Variants in DAAM2 observed in about 807,000 individuals in gnomAD.
The protein encoded by DAAM2 is dishevelled associated activator of morphogenesis 2.
A neutral mutation model predicts 120.7 loss-of-function variants in DAAM2; 39 were observed. That is an observed-to-expected ratio of 0.32 (90% CI 0.25 to 0.42). The LOEUF (loss-of-function observed/expected upper bound fraction) is 0.42, where lower values mean the gene tolerates loss of function less well. Ranked by LOEUF, DAAM2 falls within the 10% of genes least tolerant of loss-of-function variation. The probability of loss-of-function intolerance (pLI) is 1.00; values close to 1 mark genes in which losing one functional copy is unlikely to be tolerated. For synonymous variants in DAAM2, 488 were observed against 524.9 expected (o/e 0.93, Z 0.96); for missense variants, 1,283 against 1,401.7 (o/e 0.92, Z 1.35).
chr6:39,861,499 G>A (rs115400908), intron 3 of DAAM2: 2,704 of 267,726 alleles, frequency 0.01, 63 homozygotes, highest in African/African-American at 0.052. Flanking sequence ...ATTAAAAGAT[G>A]CTGTTAGCCT....
At position 39,868,900 on chromosome 6, in the gene DAAM2, C is replaced by T. The variant is rs1477192606; in HGVS notation, c.840C>T (p.Phe280=). Residue 280 remains phenylalanine, a synonymous_variant, in exon 7 of 25, where the codon TTC becomes TTT. Transcript: ENST00000274867. ...ATCTGAAAACAGCCATCATGTCCTT[C>T]ATCAATGCTGTCCTCAATGCTGGAG... ...EVNLKTAIMS[F]INAVLNAGAG... The T allele has an allele frequency of 2.5e-6, 4 of 1,585,312 alleles. No individual in the cohort carries two copies. Among genetic ancestry groups the T allele is most frequent in the South Asian group, 2.3e-5 (2 of 86,200 alleles).
intron 3 of DAAM2, chr6:39,862,900 C>A (rs1764274718): frequency 6.7e-6 from 1 of 149,202 alleles, no homozygotes; most frequent in Admixed American, 6.7e-5. Context: ...TCCCCACACA[C>A]TTTCACAACC....
chr6:39,898,456 TGATA>T (rs1349117317), intron 21 of DAAM2, among the ~76,000 whole-genome samples: 3 of 152,178 alleles, frequency 2.0e-5, no homozygotes, highest in African/African-American at 7.2e-5. Flanking sequence ...ACATCTAGGC[TGATA>T]GATGTCATCT....
chr6:39,894,935 T>G lies in DAAM2; in HGVS notation c.2342-1877T>G, dbSNP rs2149366936. Among the ~76,000 whole-genome samples, 3 of 152,260 alleles carry G rather than the reference T, an allele frequency of 2.0e-5. No homozygotes were observed. In the East Asian group the frequency reaches 5.8e-4, roughly 29 times the overall value. ...TGCCTGGCCTGTTTTGAACTTTATA[T>G]GAAAGGAATGATAGAGTATGAATAA... On this transcript the variant is annotated intron_variant, in intron 19 of 24. Transcript: ENST00000274867.
intron 1 of DAAM2, among the ~76,000 whole-genome samples, chr6:39,839,380 G>A (rs1001552030): frequency 2.0e-5 from 3 of 152,168 alleles, no homozygotes; most frequent in African/African-American, 4.8e-5. Context: ...TTCATCTTTC[G>A]TAAATGCACT....
Position 39,878,898 on chromosome 6 carries a change from A to G in DAAM2, c.1546-280A>G, listed in dbSNP as rs1205380475. Among the ~76,000 whole-genome samples the G allele has an allele frequency of 6.6e-6, 1 of 152,182 alleles. No individual in the cohort carries two copies. The highest frequency in any genetic ancestry group is 1.9e-4 in the East Asian group (1 of 5,204). On this transcript the variant is annotated intron_variant, in intron 13 of 24. Coordinates refer to ENST00000274867, the MANE Select transcript of DAAM2 (RefSeq NM_001201427.2). This position sits in a 1 kb window ranked among gnomAD's most constrained non-coding sequence, Gnocchi z 5.0. ...TGCAGTCAGTAACCTACACAACTGCATAGATCAGTCCTGCTGTTGCATTGT... is the reference window on the plus strand; with the variant it reads ...TGCAGTCAGTAACCTACACAACTGCGTAGATCAGTCCTGCTGTTGCATTGT...
chr6:39,869,385 G>C (rs1213214699), intron 7 of DAAM2, among the ~76,000 whole-genome samples: 6 of 152,096 alleles, frequency 3.9e-5, no homozygotes, highest in Non-Finnish European at 5.9e-5. Flanking sequence ...AGGAGTTTGA[G>C]ACCAGTCTGG....
At position 39,816,175 on chromosome 6, in the gene DAAM2, C is replaced by T. The variant is rs112694309; in HGVS notation, c.-57+23710C>T. Among the ~76,000 whole-genome samples, 971 of 152,328 alleles carry T rather than the reference C, an allele frequency of 6.4e-3. 5 individuals are homozygous for T. Among genetic ancestry groups the T allele is most frequent in the Middle Eastern group, 0.017 (5 of 294 alleles). ...GTAAATACTTGAGAAAGAATTTGAT[C>T]CAGGAGTCTGGGGCAGAGCCCAAGG... On this transcript the variant is annotated intron_variant, in intron 1 of 24. Coordinates refer to ENST00000274867, the MANE Select transcript of DAAM2 (RefSeq NM_001201427.2).
chr6:39,824,292 G>A lies in DAAM2; in HGVS notation c.-57+31827G>A, dbSNP rs567044335. ...ACCTCTCCCCATCCCCCTAGAGCCCGTGCCCCAGCAGGGGGCATCTTGGGG... is the reference window on the plus strand; with the variant it reads ...ACCTCTCCCCATCCCCCTAGAGCCCATGCCCCAGCAGGGGGCATCTTGGGG... On this transcript the variant is annotated intron_variant, in intron 1 of 24. Coordinates refer to ENST00000274867, the MANE Select transcript of DAAM2 (RefSeq NM_001201427.2). Among the ~76,000 whole-genome samples the A allele has an allele frequency of 3.2e-4, 48 of 152,252 alleles. No homozygotes were observed. The East Asian group carries it at 4.5e-3, about 14-fold the overall frequency.
At position 39,869,576 on chromosome 6, in the gene DAAM2, G is replaced by A. The variant is rs143296697; in HGVS notation, c.873+643G>A. Among the ~76,000 whole-genome samples, 647 of 152,122 alleles carry A rather than the reference G, an allele frequency of 4.3e-3. 4 individuals are homozygous for A. Among genetic ancestry groups the A allele is most frequent in the African/African-American group, 0.015 (617 of 41,480 alleles). On this transcript the variant is annotated intron_variant, in intron 7 of 24. Coordinates refer to ENST00000274867, the MANE Select transcript of DAAM2 (RefSeq NM_001201427.2). ...TTGCACTCTAGCCTAGGGGACAAGAGCAAAACTCCATCTCAAAGAAACAAC... is the reference window on the plus strand; with the variant it reads ...TTGCACTCTAGCCTAGGGGACAAGAACAAAACTCCATCTCAAAGAAACAAC...
chr6:39,850,344 T>A (rs1421239882), intron 1 of DAAM2, among the ~76,000 whole-genome samples: 1 of 152,134 alleles, frequency 6.6e-6, no homozygotes, highest in Non-Finnish European at 1.5e-5. Flanking sequence ...AAGCCTGCCC[T>A]GACTTCCCCT....
At chr6:39,815,193 TG>T (rs1188955298) in intron 1 of DAAM2, among the ~76,000 whole-genome samples, 8 of 152,238 alleles carry the variant, frequency 5.3e-5, no homozygotes, top group Non-Finnish European at 8.8e-5. Flanking sequence ...CACTGAAGCC[TG>T]GGAACTGCTG....
At chr6:39,833,409 A>G (rs1279108744) in intron 1 of DAAM2, among the ~76,000 whole-genome samples, 1 of 151,772 alleles carries the variant, frequency 6.6e-6, no homozygotes, top group Non-Finnish European at 1.5e-5. Context: ...GGTTCAAGTG[A>G]TTCTTCTGCC....
At position 39,903,104 on chromosome 6, in the gene DAAM2, T is replaced by TGG. The variant is rs1387101734; in HGVS notation, c.*1068_*1069dup. On this transcript the variant is annotated 3_prime_UTR_variant, in exon 25 of 25. Transcript: ENST00000274867. Reference sequence around the variant, plus strand: ...CAGCAGCCTCTGTCCAGCCTGCAGGTGGCCACTTGGAACCATGTGTCCACT... The same window carrying TGG: ...CAGCAGCCTCTGTCCAGCCTGCAGGTGGGGCCACTTGGAACCATGTGTCCACT... 1.3e-5 allele frequency: 2 copies of TGG among 152,270 alleles called. No homozygotes were observed. Among genetic ancestry groups the TGG allele is most frequent in the African/African-American group, 4.8e-5 (2 of 41,464 alleles). The allele number at this position is 152,270 out of a possible 1,614,324, so 9.4% of individuals were successfully genotyped here.
chr6:39,904,569 CCT>C lies in DAAM2; in HGVS notation c.*2533_*2534del, dbSNP rs964164124. 43 of 446,670 alleles carry C rather than the reference CCT, an allele frequency of 9.6e-5. No individual in the cohort carries two copies. The highest frequency in any genetic ancestry group is 3.5e-4 in the African/African-American group (16 of 45,082). The allele number at this position is 446,670 out of a possible 1,614,324, so 27.7% of individuals were successfully genotyped here. A position where few individuals can be genotyped will look rare whatever the true frequency, so the allele number is the denominator to read the frequency against. On this transcript the variant is annotated 3_prime_UTR_variant, in exon 25 of 25. Coordinates refer to ENST00000274867, the MANE Select transcript of DAAM2 (RefSeq NM_001201427.2). Reference sequence around the variant, plus strand: ...ACAACCTTCTCAGCAGCATTTCTCCCCTGTGATGGAAATAAAGTGTTTAGGGC... The same window carrying C: ...ACAACCTTCTCAGCAGCATTTCTCCCGTGATGGAAATAAAGTGTTTAGGGC...
At chr6:39,797,421 C>T (rs757049338) in intron 1 of DAAM2, among the ~76,000 whole-genome samples, 2 of 152,210 alleles carry the variant, frequency 1.3e-5, no homozygotes, top group East Asian at 1.9e-4. Context: ...CCACATTTCA[C>T]AGCCCAAATT....
chr6:39,816,980 G>A (rs1052757140), intron 1 of DAAM2, among the ~76,000 whole-genome samples: 1 of 152,208 alleles, frequency 6.6e-6, no homozygotes, highest in African/African-American at 2.4e-5. Flanking sequence ...TAACATTCTT[G>A]TTGCCGTAGT....
At chr6:39,831,693 G>T (rs1439287566) in intron 1 of DAAM2, among the ~76,000 whole-genome samples, 4 of 114,046 alleles carry the variant, frequency 3.5e-5, no homozygotes, top group Non-Finnish European at 8.6e-5. Context: ...CAGGTCTGTG[G>T]CCTGGGGGGT....
At position 39,814,830 on chromosome 6, in the gene DAAM2, C is replaced by G. The variant is rs142621342; in HGVS notation, c.-57+22365C>G. On this transcript the variant is annotated intron_variant, in intron 1 of 24. Coordinates refer to ENST00000274867, the MANE Select transcript of DAAM2 (RefSeq NM_001201427.2). ...CATCTGTTCTCACCACGTGGCTCTTCCTCCAGGAAGTTTTCCAGGTTGAAT... is the reference window on the plus strand; with the variant it reads ...CATCTGTTCTCACCACGTGGCTCTTGCTCCAGGAAGTTTTCCAGGTTGAAT... Among the ~76,000 whole-genome samples the G allele has an allele frequency of 7.8e-3, 1,193 of 152,312 alleles. 14 individuals are homozygous for G. Among genetic ancestry groups the G allele is most frequent in the African/African-American group, 0.026 (1,098 of 41,558 alleles).
Sources: gnomAD v4.1 joint callset for allele counts (sites outside exome capture counted in the v4.1 genomes callset) on GRCh38, gnomAD v4.1.1 for gene constraint, Gnocchi (gnomAD v3.1) non-coding constraint, MANE v1.5 for transcripts, NCBI Gene and HGNC (gene_info 2026-07-23, HGNC 2026-07-21) for gene names.